Variants in RPS6KA2 observed in about 807,000 individuals in gnomAD.
RPS6KA2 encodes the protein ribosomal protein S6 kinase alpha-2.
A neutral mutation model predicts 91.8 loss-of-function variants in RPS6KA2; 42 were observed. That is an observed-to-expected ratio of 0.46 (90% CI 0.36 to 0.59). RPS6KA2 has a LOEUF of 0.59. RPS6KA2 is among the 20% of genes least tolerant of loss of function. RPS6KA2 has a pLI of 0.00. For missense variants in RPS6KA2, 798 were observed against 978.5 expected (o/e 0.82, Z 2.46); for synonymous variants, 414 against 393.6 (o/e 1.05, Z -0.61).
chr6:166,765,190 G>A (rs1462495361), intron 2 of RPS6KA2, among the ~76,000 whole-genome samples: 11 of 152,246 alleles, frequency 7.2e-5, no homozygotes, highest in African/African-American at 2.7e-4. Context: ...AGCATGGGTA[G>A]TGTGTGCAGC....
intron 2 of RPS6KA2, among the ~76,000 whole-genome samples, chr6:166,804,218 T>C (rs1779436730): frequency 6.6e-6 from 1 of 152,182 alleles, no homozygotes; most frequent in Non-Finnish European, 1.5e-5. Flanking sequence ...ATTAAAGCTT[T>C]CTGTCACAGA....
In RPS6KA2 at chr6:166,702,316, G is replaced by A. The variant is rs926542432; in HGVS notation, c.123+155884C>T. 4.3e-6 allele frequency: 7 copies of A among 1,613,410 alleles called. No homozygotes were observed. The African/African-American group carries it at 9.3e-5, about 22-fold the overall frequency. Reference sequence around the variant, plus strand: ...AGGAGCCCCTCTGCCCAAGCCCCCGGCGACCTCGGGGCTGCAGAAAGGGGT... The same window carrying A: ...AGGAGCCCCTCTGCCCAAGCCCCCGACGACCTCGGGGCTGCAGAAAGGGGT... On this transcript the variant is annotated intron_variant, in intron 2 of 21. Transcript: ENST00000503859.
intron 2 of RPS6KA2, among the ~76,000 whole-genome samples, chr6:166,828,428 T>G (rs1780101355): frequency 6.6e-6 from 1 of 152,286 alleles, no homozygotes; most frequent in African/African-American, 2.4e-5. Flanking sequence ...ATGCCGTATC[T>G]GCCCTTTCCT....
rs192112607 is a variant in RPS6KA2 at position 166,656,836 on chromosome 6, C to T, written c.124-118052G>A. On this transcript the variant is annotated intron_variant, in intron 2 of 21. Coordinates refer to the RPS6KA2 transcript ENST00000503859. ...CTCCCAGGGCCGTTGTCCAGATTCA[C>T]CGCGGTGCATGTGAAAGCCCGGGCA... is the stretch of plus-strand genomic sequence containing the variant. Among the ~76,000 whole-genome samples the T allele has an allele frequency of 9.2e-5, 14 of 152,326 alleles. No homozygotes were observed. In the East Asian group the frequency reaches 2.1e-3, roughly 23 times the overall value.
At chr6:166,421,182 G>A (rs990979408) in intron 17 of RPS6KA2, among the ~76,000 whole-genome samples, 3 of 152,182 alleles carry the variant, frequency 2.0e-5, no homozygotes, top group Non-Finnish European at 4.4e-5. Flanking sequence ...TGTGAAACAT[G>A]GTTAATAGAT....
chr6:166,498,970 G>A (rs1462955924), intron 7 of RPS6KA2, among the ~76,000 whole-genome samples: 1 of 152,164 alleles, frequency 6.6e-6, no homozygotes, highest in Non-Finnish European at 1.5e-5. Context: ...TTTTCCACAG[G>A]CACGTGGAGG....
At chr6:166,659,845 C>T (rs563715868) in intron 2 of RPS6KA2, among the ~76,000 whole-genome samples, 46 of 152,294 alleles carry the variant, frequency 3.0e-4, no homozygotes, top group Admixed American at 7.8e-4. Context: ...TGACAGCATG[C>T]GGTGGTAGCT....
intron 2 of RPS6KA2, among the ~76,000 whole-genome samples, chr6:166,695,723 G>A (rs927485743): frequency 4.7e-5 from 7 of 150,130 alleles, no homozygotes; most frequent in Non-Finnish European, 8.8e-5. Context: ...AGGAGCACTG[G>A]ATTCTCACAG....
At chr6:166,797,692 C>T (rs960330345) in intron 2 of RPS6KA2, among the ~76,000 whole-genome samples, 1 of 151,812 alleles carries the variant, frequency 6.6e-6, no homozygotes, top group Non-Finnish European at 1.5e-5. Flanking sequence ...GTTGCTGTCT[C>T]GGGGTGGCAG....
chr6:166,776,720 T>C (rs941993531), intron 2 of RPS6KA2, among the ~76,000 whole-genome samples: 2 of 152,238 alleles, frequency 1.3e-5, no homozygotes, highest in Non-Finnish European at 2.9e-5. Flanking sequence ...GGTTCGTCCA[T>C]GTTGCAGGGT....
intron 2 of RPS6KA2, among the ~76,000 whole-genome samples, chr6:166,722,994 A>G (rs1790222648): frequency 6.6e-6 from 1 of 152,192 alleles, no homozygotes; most frequent in South Asian, 2.1e-4. Context: ...ACAACCGTTA[A>G]GCGATGCAAG....
intron 15 of RPS6KA2, among the ~76,000 whole-genome samples, 193 bp downstream of exon 15, chr6:166,432,208 G>A (rs1779156591): frequency 6.6e-6 from 1 of 152,162 alleles, no homozygotes; most frequent in Admixed American, 6.5e-5. Context: ...CTCCATGACT[G>A]GGGCGGTGGC....
intron 2 of RPS6KA2, among the ~76,000 whole-genome samples, chr6:166,655,022 G>T (rs1787964666): frequency 6.6e-6 from 1 of 152,100 alleles, no homozygotes; most frequent in South Asian, 2.1e-4. Flanking sequence ...AATTAACTTT[G>T]AACAGCACCT....
chr6:166,577,995 G>C (rs574816460), intron 1 of RPS6KA2, among the ~76,000 whole-genome samples: 1 of 152,212 alleles, frequency 6.6e-6, no homozygotes, highest in East Asian at 1.9e-4. Context: ...GTTTATCAGG[G>C]GTTTCCGCTT....
intron 1 of RPS6KA2, among the ~76,000 whole-genome samples, chr6:166,570,324 T>C (rs1239966744): frequency 6.6e-6 from 1 of 152,154 alleles, no homozygotes; most frequent in African/African-American, 2.4e-5. Context: ...GGGTCAGCAA[T>C]GGGCCCTGGC....
intron 1 of RPS6KA2, among the ~76,000 whole-genome samples, chr6:166,549,226 T>C (rs1206078045): frequency 2.0e-5 from 3 of 152,184 alleles, no homozygotes; most frequent in Non-Finnish European, 4.4e-5. Flanking sequence ...CTGGTGTAAA[T>C]ATAAAATGTT....
intron 16 of RPS6KA2, among the ~76,000 whole-genome samples, chr6:166,426,772 T>C: frequency 7.9e-6 from 1 of 126,736 alleles, no homozygotes; most frequent in African/African-American, 3.1e-5. Flanking sequence ...AATCTCTGAA[T>C]AGACCAATAA....
intron 2 of RPS6KA2, among the ~76,000 whole-genome samples, chr6:166,805,074 ATTATT>A (rs1353252773): frequency 1.3e-5 from 2 of 152,208 alleles, no homozygotes; most frequent in South Asian, 2.1e-4. Flanking sequence ...CAATAGAGTA[ATTATT>A]TTGGAACTCT....
Position 166,508,954 on chromosome 6 carries a change from G to T in RPS6KA2, c.380-672C>A, listed in dbSNP as rs147082736. Among the ~76,000 whole-genome samples the T allele has an allele frequency of 1.9e-3, 286 of 152,364 alleles. 1 individual carries two copies. The highest frequency in any genetic ancestry group is 3.3e-3 in the Non-Finnish European group (227 of 68,030). On this transcript the variant is annotated intron_variant, in intron 4 of 20. Transcript: ENST00000265678. The surrounding 1 kb of genome is among the most constrained non-coding windows in gnomAD (Gnocchi z 4.3). ...CATGAGCACGGGAGGGTCTAGAGAA[G>T]CCCGTCACCATCGCTGCTGTGACGA...
Sources: allele counts gnomAD v4.1 joint callset (sites outside exome capture counted in the v4.1 genomes callset), GRCh38; gene constraint gnomAD v4.1.1; non-coding constraint Gnocchi (gnomAD v3.1); transcripts MANE v1.5; gene names NCBI Gene and HGNC (gene_info 2026-07-23, HGNC 2026-07-21).